The following USP2 variants were observed in gnomAD, a reference collection of about 807,000 sequenced individuals.
USP2 encodes ubiquitin carboxyl-terminal hydrolase 2.
Under a neutral mutation model 72.0 loss-of-function variants are expected in USP2, and 33 were observed. The ratio of observed to expected loss-of-function variants is 0.46; its 90% CI spans 0.35 to 0.61. The LOEUF is 0.61. Among genes scored for constraint, USP2 ranks in the 20% least tolerant of loss-of-function variants. USP2 has a pLI of 0.01. For missense variants in USP2, 691 were observed against 797.8 expected, an observed-to-expected ratio of 0.87 and a Z score of 1.61; for synonymous variants, 296 against 312.5, an observed-to-expected ratio of 0.95 and a Z score of 0.56.
At chr11:119,368,258 G>T (rs966219519) in intron 2 of USP2, among the ~76,000 whole-genome samples, 1 of 152,222 alleles carries the variant, frequency 6.6e-6, no homozygotes. Flanking sequence ...CCTCCTTAGG[G>T]TGGCTTAGTG....
chr11:119,357,380 G>A, intron 11 of USP2, 73 bp from the exon 12 acceptor site: 1 of 1,609,514 alleles, frequency 6.2e-7, no homozygotes, highest in Non-Finnish European at 8.5e-7. Flanking sequence ...TCTCCTTCTG[G>A]GTCTCTCAGT....
intron 2 of USP2, chr11:119,364,282 C>G (rs1229255422): frequency 6.8e-6 from 5 of 731,210 alleles, no homozygotes; most frequent in African/African-American, 1.9e-5. Flanking sequence ...CCCGCCCCAC[C>G]TCGCCTCTAC....
chr11:119,367,951 T>C (rs2135400947), intron 2 of USP2, among the ~76,000 whole-genome samples: 1 of 152,250 alleles, frequency 6.6e-6, no homozygotes. Context: ...CATTAACTCA[T>C]GAAGACATCC....
At position 119,381,596 on chromosome 11, in the gene USP2, C is replaced by A. The variant is rs969820133; in HGVS notation, c.-165G>T. The A allele has an allele frequency of 3.3e-6, 5 of 1,517,666 alleles. No homozygotes were observed. The Admixed American group carries it at 9.8e-5, about 30-fold the overall frequency. 94.0% of individuals were successfully genotyped at this position (1,517,666 alleles called of 1,614,324 possible). On this transcript the variant is annotated 5_prime_UTR_variant, in exon 1 of 13. Coordinates refer to ENST00000260187, the MANE Select transcript of USP2 (RefSeq NM_004205.5). ...GACGAAGAGGGCTCCCCGGCCTCGGCTCCTGCCTGACTCTCTCCCACCTCC... is the reference window on the plus strand; with the variant it reads ...GACGAAGAGGGCTCCCCGGCCTCGGATCCTGCCTGACTCTCTCCCACCTCC...
chr11:119,366,268 A>G (rs1950851450), intron 2 of USP2, among the ~76,000 whole-genome samples: 1 of 152,228 alleles, frequency 6.6e-6, no homozygotes, highest in Admixed American at 6.5e-5. Context: ...TGCAAAGTTA[A>G]TAAATGACAA....
intron 2 of USP2, chr11:119,363,751 TCCGTCCCCTCA>T: frequency 5.3e-6 from 5 of 938,052 alleles, no homozygotes; most frequent in Non-Finnish European, 7.3e-6. Flanking sequence ...CTGGGAAGAA[TCCGTCCCCTCA>T]CCTAGGGGCG....
intron 2 of USP2, 107 bp downstream of exon 2, chr11:119,372,600 G>A: frequency 8.8e-7 from 1 of 1,137,858 alleles, no homozygotes. Flanking sequence ...TCCACCAGGA[G>A]CAGCCTGTCA....
chr11:119,356,971 C>T, intron 12 of USP2, 49 bp from the exon 13 acceptor site: 1 of 1,541,370 alleles, frequency 6.5e-7, no homozygotes, highest in Non-Finnish European at 8.8e-7. Flanking sequence ...ACCGGGAGAC[C>T]CCCCGCCGGC....
In USP2 at chr11:119,381,657, G is replaced by T. The variant is rs1951060565; in HGVS notation, c.-226C>A. 2.7e-6 allele frequency: 3 copies of T among 1,126,524 alleles called. No individual in the cohort carries two copies. The highest frequency in any genetic ancestry group is 3.8e-6 in the Non-Finnish European group (3 of 782,534). The allele number at this position is 1,126,524 out of a possible 1,614,324, so 69.8% of individuals were successfully genotyped here. A position where few individuals can be genotyped will look rare whatever the true frequency, so the allele number is the denominator to read the frequency against. Reference sequence around the variant, plus strand: ...CAGAAGGGACCTCCCCGGGAAATCGGCGCCACCCAGCGGGCAGCCGCCTCA... The same window carrying T: ...CAGAAGGGACCTCCCCGGGAAATCGTCGCCACCCAGCGGGCAGCCGCCTCA... On this transcript the variant is annotated 5_prime_UTR_variant, in exon 1 of 13. Transcript: ENST00000260187.
intron 2 of USP2, among the ~76,000 whole-genome samples, chr11:119,369,024 G>A (rs1170680340): frequency 1.3e-5 from 2 of 152,196 alleles, no homozygotes; most frequent in Non-Finnish European, 2.9e-5. Context: ...GGCAGAGTAG[G>A]GAGATGACAG....
chr11:119,359,372 C>A lies in USP2; in HGVS notation c.950-30G>T, dbSNP rs183427737. The A allele has an allele frequency of 1.9e-6, 3 of 1,594,484 alleles. No homozygotes were observed. In the East Asian group the frequency reaches 6.7e-5, roughly 36 times the overall value. On this transcript the variant is annotated intron_variant, in intron 4 of 12. Coordinates refer to ENST00000260187, the MANE Select transcript of USP2 (RefSeq NM_004205.5). Reference sequence around the variant, plus strand: ...TGGAAGGAGAGAGTGTACAGGACAGCTGAGATATTTTCTATAAGAAACTCT... The same window carrying A: ...TGGAAGGAGAGAGTGTACAGGACAGATGAGATATTTTCTATAAGAAACTCT...
intron 2 of USP2, chr11:119,364,312 C>G (rs1186016900): frequency 2.8e-5 from 13 of 467,548 alleles, no homozygotes; most frequent in South Asian, 2.7e-4. Flanking sequence ...GGCGCCGGCA[C>G]GCGGACCCGA....
intron 2 of USP2, chr11:119,364,260 C>A: frequency 1.1e-6 from 1 of 938,594 alleles, no homozygotes; most frequent in Non-Finnish European, 1.3e-6. Context: ...GGGGCGGGGC[C>A]AGGCCCTAAG....
chr11:119,363,144 G>A (rs1950789257), intron 2 of USP2, among the ~76,000 whole-genome samples: 1 of 152,210 alleles, frequency 6.6e-6, no homozygotes, highest in African/African-American at 2.4e-5. Flanking sequence ...CCTGGCACGG[G>A]GCAGGGCACG....
chr11:119,363,399 T>C (rs1408211652), intron 2 of USP2, among the ~76,000 whole-genome samples: 1 of 152,150 alleles, frequency 6.6e-6, no homozygotes, highest in Non-Finnish European at 1.5e-5. Context: ...CACCAACCCT[T>C]GGGAAAGAGC....
Position 119,381,537 on chromosome 11 carries a change from G to GGCTGGC in USP2, c.-112_-107dup, listed in dbSNP as rs1363137288. ...AAGCATGGAGCTGCGGGTGAGTCCC[G>GGCTGGC]GCTGGCGCTGGCGCGGCGCAGTGAG... On this transcript the variant is annotated 5_prime_UTR_variant, in exon 1 of 13. Coordinates refer to ENST00000260187, the MANE Select transcript of USP2 (RefSeq NM_004205.5). 4 of 1,536,106 alleles carry GGCTGGC rather than the reference G, an allele frequency of 2.6e-6. No homozygotes were observed. The highest frequency in any genetic ancestry group is 2.4e-5 in the East Asian group (1 of 40,906).
At chr11:119,379,596 C>T (rs1464419175) in intron 1 of USP2, among the ~76,000 whole-genome samples, 1 of 152,178 alleles carries the variant, frequency 6.6e-6, no homozygotes, top group African/African-American at 2.4e-5. Flanking sequence ...TTCTAATGGA[C>T]TTCTAGGCCT....
At chr11:119,371,764 G>A (rs1270900181) in intron 2 of USP2, among the ~76,000 whole-genome samples, 2 of 152,112 alleles carry the variant, frequency 1.3e-5, no homozygotes, top group African/African-American at 4.8e-5. Flanking sequence ...CTGCCCATAT[G>A]CTTGCCTGTC....
intron 11 of USP2, 53 bp downstream of exon 11, chr11:119,357,430 C>G: frequency 1.9e-6 from 3 of 1,612,604 alleles, no homozygotes; most frequent in Non-Finnish European, 2.5e-6. Flanking sequence ...GCCCTCCCTC[C>G]GGCCTTGCAC....
Sources: gnomAD v4.1 joint callset for allele counts (sites outside exome capture counted in the v4.1 genomes callset) on GRCh38, gnomAD v4.1.1 for gene constraint, MANE v1.5 for transcripts, NCBI Gene and HGNC (gene_info 2026-07-23, HGNC 2026-07-21) for gene names.